The following TBC1D12 variants were observed in gnomAD, a reference collection of about 807,000 sequenced individuals.
The protein encoded by TBC1D12 is TBC1 domain family, member 12.
TBC1D12 carries 56 observed loss-of-function variants against 86.7 expected under a neutral mutation model. The ratio of observed to expected loss-of-function variants is 0.65; its 90% CI spans 0.52 to 0.81. The LOEUF is 0.81. Among genes scored for constraint, TBC1D12 ranks in the 30% least tolerant of loss-of-function variants. The probability of loss-of-function intolerance (pLI) is 0.00; values close to 1 mark genes in which losing one functional copy is unlikely to be tolerated. For synonymous variants in TBC1D12, 421 were observed against 411.7 expected (o/e 1.02, Z -0.27); for missense variants, 1,023 against 1,038.8 (o/e 0.98, Z 0.21).
intron 2 of TBC1D12, among the ~76,000 whole-genome samples, chr10:94,449,142 CAG>C (rs1243128047): frequency 2.6e-5 from 4 of 152,172 alleles, no homozygotes; most frequent in African/African-American, 9.6e-5. Context: ...TTATCAGAAA[CAG>C]AGACTTGGAA....
intron 2 of TBC1D12, among the ~76,000 whole-genome samples, chr10:94,465,833 C>T (rs1013550421): frequency 2.7e-4 from 40 of 150,676 alleles, no homozygotes; most frequent in Middle Eastern, 7.0e-3. Context: ...TATACGTATA[C>T]GCATACATAT....
At chr10:94,491,142 G>A (rs531853367) in intron 3 of TBC1D12, among the ~76,000 whole-genome samples, 1 of 151,910 alleles carries the variant, frequency 6.6e-6, no homozygotes, top group African/African-American at 2.4e-5. Flanking sequence ...AGTGTCTGTT[G>A]TCTGGAAACT....
chr10:94,465,510 G>A (rs2055792776), intron 2 of TBC1D12, among the ~76,000 whole-genome samples: 1 of 152,062 alleles, frequency 6.6e-6, no homozygotes, highest in Non-Finnish European at 1.5e-5. Flanking sequence ...GCTGAGCATG[G>A]TGGCACGTGC....
In TBC1D12 at chr10:94,474,800, TA is replaced by T; in HGVS notation, c.1211+19del. ...TCGACCATCGTAAGTATTTTAGTGATAATCAGTGACATTGTTTATATTTTAA... is the reference window on the plus strand; with the variant it reads ...TCGACCATCGTAAGTATTTTAGTGATATCAGTGACATTGTTTATATTTTAA... On this transcript the variant is annotated intron_variant, in intron 3 of 12. Coordinates refer to ENST00000225235, the MANE Select transcript of TBC1D12 (RefSeq NM_015188.2). 1 of 1,583,440 alleles carries T rather than the reference TA, an allele frequency of 6.3e-7. No individual in the cohort carries two copies. Among genetic ancestry groups the T allele is most frequent in the Non-Finnish European group, 8.7e-7 (1 of 1,153,214 alleles).
chr10:94,447,628 C>T (rs2055488720), intron 2 of TBC1D12: 4 of 985,120 alleles, frequency 4.1e-6, no homozygotes, highest in African/African-American at 1.7e-5. Context: ...CATGTGTTCT[C>T]TTGCAGATGT....
intron 1 of TBC1D12, among the ~76,000 whole-genome samples, chr10:94,436,715 C>T (rs745509691): frequency 6.6e-6 from 1 of 151,534 alleles, no homozygotes; most frequent in Non-Finnish European, 1.5e-5. Context: ...GCTATTATAT[C>T]TCTTTAGATT....
intron 9 of TBC1D12, 152 bp from the exon 10 acceptor site, chr10:94,521,803 C>CGAG: frequency 1.8e-6 from 1 of 559,946 alleles, no homozygotes; most frequent in Non-Finnish European, 2.7e-6. Context: ...TCATTAGGGG[C>CGAG]TCTCTGTATT....
At chr10:94,508,432 A>G (rs1190242155) in intron 7 of TBC1D12, 1 of 151,716 alleles carries the variant, frequency 6.6e-6, no homozygotes, top group East Asian at 1.9e-4. Context: ...TGCCTGGCCA[A>G]TTCTTTTTCT....
chr10:94,403,237 C>G lies in TBC1D12; in HGVS notation c.624C>G (p.Asp208Glu). The change falls in exon 1 of 13, where the codon GAC becomes GAG. Residue 208 changes from aspartate (D) to glutamate (E), a missense_variant. Asp to Glu is a conservative substitution (Grantham distance 45). Transcript: ENST00000225235. ...GGAGCTGCTGCCTGGTGGCCGCGGA[C>G]GCCCAGGAGCCCGAGGGCGCGGGCA... ...PLRSCCLVAADAQEPEGAGSD... is the reference protein window; with the variant it reads ...PLRSCCLVAAEAQEPEGAGSD... 1 of 1,506,880 alleles carries G rather than the reference C, an allele frequency of 6.6e-7. No individual in the cohort carries two copies. The highest frequency in any genetic ancestry group is 8.9e-7 in the Non-Finnish European group (1 of 1,129,622). 93.3% of individuals were successfully genotyped at this position (1,506,880 alleles called of 1,614,324 possible).
At chr10:94,451,919 T>C (rs1373621429) in intron 2 of TBC1D12, among the ~76,000 whole-genome samples, 1 of 152,000 alleles carries the variant, frequency 6.6e-6, no homozygotes, top group Non-Finnish European at 1.5e-5. Flanking sequence ...CTTTTGATCA[T>C]TTTTTTAAAT....
At chr10:94,408,596 G>A (rs2054887785) in intron 1 of TBC1D12, among the ~76,000 whole-genome samples, 1 of 151,972 alleles carries the variant, frequency 6.6e-6, no homozygotes, top group Admixed American at 6.6e-5. Context: ...AGTCAGCCAC[G>A]TCCTTTTTTC....
intron 2 of TBC1D12, among the ~76,000 whole-genome samples, chr10:94,457,570 A>G (rs969494394): frequency 2.6e-5 from 4 of 152,114 alleles, no homozygotes; most frequent in South Asian, 2.1e-4. Flanking sequence ...ATGAGCCACC[A>G]TGCTTGGCCT....
At chr10:94,503,385 T>G (rs559805079) in intron 6 of TBC1D12, among the ~76,000 whole-genome samples, 136 of 152,276 alleles carry the variant, frequency 8.9e-4, no homozygotes, top group African/African-American at 2.6e-3. Flanking sequence ...ACTGTTTATT[T>G]CAGTTCTAAG....
chr10:94,442,977 G>T (rs536328597), intron 2 of TBC1D12, among the ~76,000 whole-genome samples: 1 of 152,108 alleles, frequency 6.6e-6, no homozygotes, highest in South Asian at 2.1e-4. Context: ...TGAATAAAAG[G>T]TTTATTTTTT....
At position 94,402,587 on chromosome 10, in the gene TBC1D12, C is replaced by T. The variant is rs1205355551; in HGVS notation, c.-27C>T. 13 of 1,609,262 alleles carry T rather than the reference C, an allele frequency of 8.1e-6. No individual in the cohort carries two copies. The highest frequency in any genetic ancestry group is 1.0e-5 in the Non-Finnish European group (12 of 1,178,238). ...CTGCGCCTGTAGTCCTTCTTTGCCTCCTGGGGCGGCCGCCACCCACCCCCA... is the reference window on the plus strand; with the variant it reads ...CTGCGCCTGTAGTCCTTCTTTGCCTTCTGGGGCGGCCGCCACCCACCCCCA... On this transcript the variant is annotated 5_prime_UTR_variant, in exon 1 of 13. Coordinates refer to ENST00000225235, the MANE Select transcript of TBC1D12 (RefSeq NM_015188.2).
intron 1 of TBC1D12, among the ~76,000 whole-genome samples, chr10:94,429,378 A>G (rs965800550): frequency 6.6e-6 from 1 of 152,176 alleles, no homozygotes; most frequent in African/African-American, 2.4e-5. Context: ...AAAAAAGCCT[A>G]AGTTATCTGG....
At chr10:94,423,516 T>A (rs930123148) in intron 1 of TBC1D12, among the ~76,000 whole-genome samples, 1 of 151,940 alleles carries the variant, frequency 6.6e-6, no homozygotes. Flanking sequence ...CCCGGCTAAT[T>A]TTTTTACTTT....
chr10:94,450,832 A>G (rs2055539158), intron 2 of TBC1D12, among the ~76,000 whole-genome samples: 1 of 152,154 alleles, frequency 6.6e-6, no homozygotes, highest in African/African-American at 2.4e-5. Context: ...CTATTCAGCC[A>G]TAAAAAAGAA....
intron 1 of TBC1D12, 131 bp from the exon 2 acceptor site, chr10:94,441,765 A>G: frequency 4.9e-6 from 4 of 810,886 alleles, no homozygotes; most frequent in East Asian, 5.8e-5. Flanking sequence ...TAATAGTGGT[A>G]TAAGTAGTAG....
Sources: allele counts gnomAD v4.1 joint callset (sites outside exome capture counted in the v4.1 genomes callset), GRCh38; gene constraint gnomAD v4.1.1; transcripts MANE v1.5; gene names NCBI Gene and HGNC (gene_info 2026-07-23, HGNC 2026-07-21).